The following SMARCA2 variants were observed in gnomAD, a reference collection of about 807,000 sequenced individuals.
SMARCA2 encodes SWI/SNF related BAF chromatin remodeling complex subunit ATPase 2, also known as SWI/SNF-related matrix-associated actin-dependent regulator of chromatin subfamily A member 2.
A neutral mutation model predicts 199.8 loss-of-function variants in SMARCA2; 61 were observed. The ratio of observed to expected loss-of-function variants is 0.31; its 90% confidence interval spans 0.25 to 0.38. SMARCA2 has a LOEUF of 0.38. Ranked by LOEUF, SMARCA2 falls within the 10% of genes least tolerant of loss-of-function variation. The pLI, the probability that SMARCA2 is intolerant of heterozygous loss-of-function variation, is 1.00. For synonymous variants in SMARCA2, 935 were observed against 732.0 expected, an observed-to-expected ratio of 1.28 and a Z score of -4.48; for missense variants, 1,344 against 2,012.2, an observed-to-expected ratio of 0.67 and a Z score of 6.35.
intron 33 of SMARCA2, 83 bp from the exon 34 acceptor site, chr9:2,192,621 T>C: frequency 2.1e-6 from 2 of 935,312 alleles, no homozygotes; most frequent in Non-Finnish European, 3.6e-6. Context: ...TTTTTCCTAC[T>C]GGCCTCTTGA....
chr9:2,083,435 T>C (rs754328818), intron 16 of SMARCA2, 22 bp downstream of exon 16: 27 of 1,547,752 alleles, frequency 1.7e-5, no homozygotes, highest in Non-Finnish European at 2.1e-5. Flanking sequence ...TGTATTTATA[T>C]ATAAATGTGG....
In SMARCA2 at chr9:2,056,794, G is replaced by C. The variant is rs764443050; in HGVS notation, c.1296G>C (p.Leu432=). 4.3e-6 allele frequency: 7 copies of C among 1,614,190 alleles called. No individual in the cohort carries two copies. Among genetic ancestry groups the C allele is most frequent in the Non-Finnish European group, 5.9e-6 (7 of 1,180,032 alleles). The change falls in exon 7 of 34, where the codon CTG becomes CTC. Residue 432 remains leucine (L), a synonymous_variant. Transcript: ENST00000349721. The surrounding 1 kb of genome is among the most constrained non-coding windows in gnomAD (Gnocchi z 4.0). ...TLREARMTEK[L]EKQQKIEQER... ...GAGAAGCTCGCATGACCGAGAAGCT[G>C]GAGAAGCAGCAGAAGATTGAGCAGG...
At chr9:2,121,858 T>C (rs1213638531) in intron 26 of SMARCA2, among the ~76,000 whole-genome samples, 1 of 152,190 alleles carries the variant, frequency 6.6e-6, no homozygotes, top group East Asian at 1.9e-4. Flanking sequence ...TTTGCTAACA[T>C]ACAAACATTA....
chr9:2,171,360 G>A (rs1415668509), intron 29 of SMARCA2, among the ~76,000 whole-genome samples: 2 of 152,210 alleles, frequency 1.3e-5, no homozygotes, highest in African/African-American at 4.8e-5. Context: ...TAGGACTGGA[G>A]AGAGAGAATT....
intron 27 of SMARCA2, among the ~76,000 whole-genome samples, chr9:2,127,376 A>G (rs1419124817): frequency 6.6e-6 from 1 of 152,190 alleles, no homozygotes; most frequent in African/African-American, 2.4e-5. Context: ...CACTGCTGCC[A>G]CAGATGGACC....
chr9:2,148,555 T>C (rs1016278490), intron 27 of SMARCA2, among the ~76,000 whole-genome samples: 5 of 151,680 alleles, frequency 3.3e-5, no homozygotes, highest in African/African-American at 1.2e-4. Context: ...GTTTGTTACA[T>C]ATCTATACAT....
At chr9:2,041,331 C>T (rs1055542015) in intron 4 of SMARCA2, 5 of 398,474 alleles carry the variant, frequency 1.3e-5, no homozygotes, top group East Asian at 3.6e-5. Context: ...TTTCTTACAG[C>T]TCTGAATGCT....
chr9:2,110,124 C>T lies in SMARCA2; in HGVS notation c.3293-130C>T. 1.7e-6 allele frequency: 1 copy of T among 579,358 alleles called. No individual in the cohort carries two copies. The highest frequency in any genetic ancestry group is 3.1e-5 in the East Asian group (1 of 32,180). The allele number at this position is 579,358 out of a possible 1,614,324, so 35.9% of individuals were successfully genotyped here. On this transcript the variant is annotated intron_variant, in intron 23 of 33. Transcript: ENST00000349721. This position sits in a 1 kb window ranked among gnomAD's most constrained non-coding sequence, Gnocchi z 4.8. Reference sequence around the variant, plus strand: ...GTTTTTTATCCAGAAGTACAAAGCCCTGGAAATTACCTCACCAGTGTTAGG... The same window carrying T: ...GTTTTTTATCCAGAAGTACAAAGCCTTGGAAATTACCTCACCAGTGTTAGG...
chr9:2,158,985 A>G, intron 27 of SMARCA2: 6 of 1,612,062 alleles, frequency 3.7e-6, no homozygotes, highest in Non-Finnish European at 5.1e-6. Context: ...AATGGTCAGT[A>G]CTTTGTGTGT....
At chr9:2,159,027 A>C (rs1439008004) in intron 27 of SMARCA2, 2 of 1,604,668 alleles carry the variant, frequency 1.2e-6, no homozygotes, top group Non-Finnish European at 1.7e-6. Flanking sequence ...AAATTTAATA[A>C]GAATCTGCAC....
At chr9:2,156,114 C>T (rs1239772436) in intron 27 of SMARCA2, among the ~76,000 whole-genome samples, 1 of 152,156 alleles carries the variant, frequency 6.6e-6, no homozygotes, top group Non-Finnish European at 1.5e-5. Flanking sequence ...TTTCTTACAT[C>T]ATGGATATTC....
intron 4 of SMARCA2, chr9:2,041,198 A>C (rs912203308): frequency 2.5e-6 from 1 of 396,688 alleles, no homozygotes; most frequent in South Asian, 1.4e-4. Context: ...CTCCAAGAGT[A>C]GGCCTACCTA....
chr9:2,077,944 C>T (rs755923694), intron 14 of SMARCA2, among the ~76,000 whole-genome samples, 168 bp downstream of exon 14: 2 of 152,140 alleles, frequency 1.3e-5, no homozygotes, highest in African/African-American at 2.4e-5. Flanking sequence ...TTTTAGAGTA[C>T]TCCATGTTAC....
At chr9:2,154,136 C>T (rs1240215275) in intron 27 of SMARCA2, among the ~76,000 whole-genome samples, 1 of 152,208 alleles carries the variant, frequency 6.6e-6, no homozygotes, top group East Asian at 1.9e-4. Flanking sequence ...TCAGTTTCCT[C>T]ATCTGCAAAA....
intron 27 of SMARCA2, among the ~76,000 whole-genome samples, chr9:2,134,996 G>A (rs1304336690): frequency 6.6e-6 from 1 of 152,180 alleles, no homozygotes; most frequent in Non-Finnish European, 1.5e-5. Flanking sequence ...GATATGTGGA[G>A]CCATGTATAA....
intron 15 of SMARCA2, among the ~76,000 whole-genome samples, chr9:2,082,675 G>A (rs1387049706): frequency 2.0e-5 from 3 of 152,214 alleles, no homozygotes; most frequent in African/African-American, 7.2e-5. Flanking sequence ...TTGCAGTTTT[G>A]TTCACCAAGG....
At chr9:2,092,681 A>C (rs1360561601) in intron 19 of SMARCA2, among the ~76,000 whole-genome samples, 1 of 152,230 alleles carries the variant, frequency 6.6e-6, no homozygotes, top group Non-Finnish European at 1.5e-5. Context: ...TAGGCCATTT[A>C]CTAACATAAG....
chr9:2,178,934 G>C (rs1336694499), intron 29 of SMARCA2, among the ~76,000 whole-genome samples: 1 of 152,228 alleles, frequency 6.6e-6, no homozygotes, highest in African/African-American at 2.4e-5. Context: ...GTAGGGAGGA[G>C]AGAAACAATA....
chr9:2,149,103 A>T (rs1457107834), intron 27 of SMARCA2, among the ~76,000 whole-genome samples: 1 of 151,168 alleles, frequency 6.6e-6, no homozygotes, highest in African/African-American at 2.4e-5. Flanking sequence ...GAGACTGGGA[A>T]GAAAAGGAGG....
Sources: gnomAD v4.1 joint callset for allele counts (sites outside exome capture counted in the v4.1 genomes callset) on GRCh38, gnomAD v4.1.1 for gene constraint, Gnocchi (gnomAD v3.1) non-coding constraint, MANE v1.5 for transcripts, NCBI Gene and HGNC (gene_info 2026-07-23, HGNC 2026-07-21) for gene names.